Variants in POLA2 observed in about 807,000 individuals in gnomAD.
The protein encoded by POLA2 is DNA polymerase alpha subunit B.
Under a neutral mutation model 82.8 loss-of-function variants are expected in POLA2, and 47 were observed. The observed-to-expected ratio is 0.57, with a 90% CI of 0.45 to 0.72. The LOEUF (loss-of-function observed/expected upper bound fraction) is 0.72, where lower values mean the gene tolerates loss of function less well. POLA2 is among the 30% of genes least tolerant of loss of function. POLA2 has a pLI of 0.00. For synonymous variants in POLA2, 287 were observed against 286.8 expected (o/e 1.00, Z -0.01); for missense variants, 634 against 728.1 (o/e 0.87, Z 1.49).
chr11:65,295,581 A>G lies in POLA2; in HGVS notation c.1502A>G (p.His501Arg). 1 of 1,613,854 alleles carries G rather than the reference A, an allele frequency of 6.2e-7. No homozygotes were observed. Among genetic ancestry groups the G allele is most frequent in the South Asian group, 1.1e-5 (1 of 91,086 alleles). Residue 501 changes from histidine to arginine, a missense_variant, in exon 16 of 18, where the codon CAC (histidine) becomes CGC (arginine). By Grantham distance (29) the His-to-Arg change is conservative. Transcript: ENST00000265465. ...GACAGATTCAGCCGAATACTCAAGC[A>G]CATCTTGACCCAGAGGAGGTGAGCT... Reference protein sequence around the residue: ...TSDRFSRILKHILTQRSYYPL... With the variant: ...TSDRFSRILKRILTQRSYYPL...
chr11:65,282,635 C>A, intron 10 of POLA2, 114 bp downstream of exon 10: 1 of 883,384 alleles, frequency 1.1e-6, no homozygotes. Context: ...AGCAATGTGA[C>A]CAAGCAGTGA....
intron 12 of POLA2, 98 bp downstream of exon 12, chr11:65,289,186 C>A: frequency 3.3e-6 from 3 of 903,022 alleles, no homozygotes; most frequent in Admixed American, 2.2e-5. Flanking sequence ...GTAACAAACA[C>A]ATTAAGTCCT....
At chr11:65,281,563 T>G in intron 8 of POLA2, 107 bp from the exon 9 acceptor site, 1 of 802,440 alleles carries the variant, frequency 1.2e-6, no homozygotes, top group Non-Finnish European at 2.1e-6. Flanking sequence ...AGTTTATGAT[T>G]ACAGAATGAG....
At chr11:65,268,437 C>T (rs1221735080) in intron 3 of POLA2, among the ~76,000 whole-genome samples, 5 of 151,132 alleles carry the variant, frequency 3.3e-5, no homozygotes, top group East Asian at 1.9e-4. Flanking sequence ...CTGCAAGCTC[C>T]GTCTCCTGGG....
intron 10 of POLA2, among the ~76,000 whole-genome samples, chr11:65,283,716 C>T (rs1028694755): frequency 2.0e-5 from 3 of 151,954 alleles, no homozygotes; most frequent in African/African-American, 4.8e-5. Flanking sequence ...CCTTGTGATC[C>T]GCCTGCCTTG....
At chr11:65,262,957 G>A (rs1468823835) in intron 1 of POLA2, among the ~76,000 whole-genome samples, 1 of 152,140 alleles carries the variant, frequency 6.6e-6, no homozygotes, top group Non-Finnish European at 1.5e-5. Flanking sequence ...TGTGAAGCCA[G>A]GTGTCCTGCC....
In POLA2 at chr11:65,287,779, A is replaced by G; in HGVS notation, c.1070A>G (p.Tyr357Cys). The G allele has an allele frequency of 6.2e-7, 1 of 1,613,904 alleles. No homozygotes were observed. Among genetic ancestry groups the G allele is most frequent in the Non-Finnish European group, 8.5e-7 (1 of 1,179,934 alleles). ...GPYTTSDSIT[Y>C]DPLLDLIAVI... ...TACACCACATCTGACAGCATCACGT[A>G]TGACCCCCTGCTTGACCTGATTGCT... is the stretch of plus-strand genomic sequence containing the variant. The change falls in exon 11 of 18, where the codon TAT (tyrosine) becomes TGT (cysteine). Residue 357 changes from tyrosine (Y) to cysteine (C), a missense_variant. Coordinates refer to ENST00000265465, the MANE Select transcript of POLA2 (RefSeq NM_002689.4).
At chr11:65,289,141 CT>C in intron 12 of POLA2, 53 bp downstream of exon 12, 1 of 1,437,386 alleles carries the variant, frequency 7.0e-7, no homozygotes, top group Non-Finnish European at 9.7e-7. Flanking sequence ...CAGTCAGGCT[CT>C]CACTTTTCAT....
At chr11:65,278,951 G>T (rs1003250926) in intron 6 of POLA2, 28 bp downstream of exon 6, 1 of 1,604,558 alleles carries the variant, frequency 6.2e-7, no homozygotes, top group Non-Finnish European at 8.5e-7. Flanking sequence ...TGAAATTCTG[G>T]TGGATATAAA....
rs770550003 is a variant in POLA2, at chr11:65,278,771, G to T, written c.503G>T (p.Gly168Val). ...AAATACAACTCACGAAGTAACCGAG[G>T]AGAAGTGGTTACCTCCTTCGGCTTA... is the stretch of plus-strand genomic sequence containing the variant. Reference protein sequence around the residue: ...SQKYNSRSNRGEVVTSFGLAQ... With the variant: ...SQKYNSRSNRVEVVTSFGLAQ... Residue 168 changes from glycine (G) to valine (V), a missense_variant, in exon 6 of 18, where the codon GGA becomes GTA. By Grantham distance (109) the Gly-to-Val change is moderately radical. Coordinates refer to ENST00000265465, the MANE Select transcript of POLA2 (RefSeq NM_002689.4). 2.5e-6 allele frequency: 4 copies of T among 1,613,798 alleles called. No homozygotes were observed. The highest frequency in any genetic ancestry group is 3.4e-6 in the Non-Finnish European group (4 of 1,179,978).
chr11:65,268,942 A>G (rs534433482), intron 4 of POLA2, among the ~76,000 whole-genome samples: 46 of 152,336 alleles, frequency 3.0e-4, no homozygotes, highest in African/African-American at 8.7e-4. Flanking sequence ...TCAGCACAAC[A>G]TAAAACATTT....
At chr11:65,276,027 T>C in intron 5 of POLA2, 29 bp downstream of exon 5, 2 of 1,366,316 alleles carry the variant, frequency 1.5e-6, no homozygotes, top group Non-Finnish European at 2.0e-6. Context: ...TCAAGTGCCA[T>C]AAAGCTGGCC....
In POLA2 at chr11:65,283,706, C is replaced by T. The variant is rs567666864; in HGVS notation, c.1006+1185C>T. On this transcript the variant is annotated intron_variant, in intron 10 of 17. Coordinates refer to ENST00000265465, the MANE Select transcript of POLA2 (RefSeq NM_002689.4). ...GGTCAGGCTGGTCTTGAACTCCTGA[C>T]CTTGTGATCCGCCTGCCTTGGCCTC... 2.0e-5 allele frequency among the ~76,000 whole-genome samples: 3 copies of T among 152,114 alleles called. No homozygotes were observed. In the East Asian group the frequency reaches 5.8e-4, roughly 29 times the overall value.
At chr11:65,267,394 C>T in intron 2 of POLA2, 83 bp from the exon 3 acceptor site, 3 of 740,768 alleles carry the variant, frequency 4.0e-6, no homozygotes, top group East Asian at 2.7e-5. Context: ...TTTTGAATAC[C>T]TTTTATTATC....
downstream of POLA2, among the ~76,000 whole-genome samples, chr11:65,302,848 C>T (rs535304272): frequency 3.9e-5 from 6 of 152,166 alleles, no homozygotes; most frequent in East Asian, 9.7e-4. Flanking sequence ...TTGCATCCGC[C>T]TCCTGAGTAG....
chr11:65,278,518 TTGGTATTCCTCAGCC>T (rs1197038809), intron 5 of POLA2, among the ~76,000 whole-genome samples, 197 bp from the exon 6 acceptor site: 1 of 152,208 alleles, frequency 6.6e-6, no homozygotes, highest in African/African-American at 2.4e-5. Context: ...CTAAAAATGT[TTGGTATTCCTCAGCC>T]TGGTATTCCT....
chr11:65,290,696 C>T lies in POLA2; in HGVS notation c.1244+824C>T, dbSNP rs1949746067. 2.0e-5 allele frequency among the ~76,000 whole-genome samples: 3 copies of T among 152,316 alleles called. No individual in the cohort carries two copies. The South Asian group carries it at 6.2e-4, about 32-fold the overall frequency. On this transcript the variant is annotated intron_variant, in intron 13 of 17. Coordinates refer to ENST00000265465, the MANE Select transcript of POLA2 (RefSeq NM_002689.4). ...CATCGGCTCTCACTCTTTGGTTGCT[C>T]TTTCTCTTCTATACTTAGTTCCTTT...
intron 8 of POLA2, 50 bp downstream of exon 8, chr11:65,281,197 T>C: frequency 1.3e-6 from 2 of 1,586,100 alleles, no homozygotes; most frequent in Non-Finnish European, 1.7e-6. Context: ...TTTACCCCTG[T>C]AGTGTAGGTG....
downstream of POLA2, among the ~76,000 whole-genome samples, chr11:65,299,772 A>C (rs755429097): frequency 6.6e-6 from 1 of 151,872 alleles, no homozygotes; most frequent in Non-Finnish European, 1.5e-5. Flanking sequence ...GCTCACTGCA[A>C]CCTCCACCTC....
Sources: gnomAD v4.1 joint callset for allele counts (sites outside exome capture counted in the v4.1 genomes callset) on GRCh38, gnomAD v4.1.1 for gene constraint, MANE v1.5 for transcripts, NCBI Gene and HGNC (gene_info 2026-07-23, HGNC 2026-07-21) for gene names.